The following KDR variants were observed in gnomAD, a reference collection of about 807,000 sequenced individuals.
KDR encodes the protein vascular endothelial growth factor receptor 2.
Under a neutral mutation model 160.9 loss-of-function variants are expected in KDR, and 43 were observed. That is an observed-to-expected ratio of 0.27 (90% CI 0.21 to 0.34). The LOEUF (loss-of-function observed/expected upper bound fraction) is 0.34, where lower values mean the gene tolerates loss of function less well. KDR is among the 10% of genes least tolerant of loss of function. The pLI, the probability that KDR is intolerant of heterozygous loss-of-function variation, is 1.00. For synonymous variants in KDR, 617 were observed against 600.1 expected, an observed-to-expected ratio of 1.03 and a Z score of -0.41; for missense variants, 1,469 against 1,666.4, an observed-to-expected ratio of 0.88 and a Z score of 2.06.
At position 55,088,856 on chromosome 4, in the gene KDR, G is replaced by A. The variant is rs115734907; in HGVS notation, c.3510+12C>T. On this transcript the variant is annotated intron_variant, in intron 26 of 29. Coordinates refer to ENST00000263923, the MANE Select transcript of KDR (RefSeq NM_002253.4). ...ACTCTTTGTAGGTGCTTCTTGGATG[G>A]AGGTGACAAACCTGCTGAGCATTAG... The A allele has an allele frequency of 0.018, 29,241 of 1,588,022 alleles. 317 individuals are homozygous for A. The highest frequency in any genetic ancestry group is 0.021 in the Non-Finnish European group (24,199 of 1,156,168).
chr4:55,096,263 C>A lies in KDR; in HGVS notation c.2694G>T (p.Val898=). The stretch of plus-strand genomic sequence containing the variant: ...TGGTACAGGCACCTAGAAGGTTGAC[C>A]ACATTGAGATGGTGACCAATATGAA... ...ILIHIGHHLN[V]VNLLGACTKP... Residue 898 remains valine (V), a synonymous_variant, in exon 19 of 30, where the codon GTG becomes GTT. Coordinates refer to ENST00000263923, the MANE Select transcript of KDR (RefSeq NM_002253.4). 6.2e-7 allele frequency: 1 copy of A among 1,613,538 alleles called. No individual in the cohort carries two copies. The highest frequency in any genetic ancestry group is 8.5e-7 in the Non-Finnish European group (1 of 1,179,676).
At chr4:55,088,028 C>A (rs1305701118) in intron 26 of KDR, among the ~76,000 whole-genome samples, 1 of 152,078 alleles carries the variant, frequency 6.6e-6, no homozygotes, top group Non-Finnish European at 1.5e-5. Flanking sequence ...AGGCTGTGGT[C>A]AGAGAGGTAA....
intron 26 of KDR, among the ~76,000 whole-genome samples, chr4:55,088,464 G>A (rs1469987897): frequency 6.6e-6 from 1 of 152,170 alleles, no homozygotes; most frequent in African/African-American, 2.4e-5. Flanking sequence ...ATAAGAACCT[G>A]GGATGATACC....
rs150229119 is a variant in KDR, at chr4:55,105,702, A to T, written c.1645+130T>A. The T allele has an allele frequency of 3.8e-4, 289 of 770,468 alleles. No homozygotes were observed. In the African/African-American group the frequency reaches 4.6e-3, roughly 12 times the overall value. 47.7% of individuals were successfully genotyped at this position (770,468 alleles called of 1,614,324 possible). A position where few individuals can be genotyped will look rare whatever the true frequency, so the allele number is the denominator to read the frequency against. ...TTGTAATTTATGAATGAAAGCATCA[A>T]TGATCAATCCAAGTCCTCTTTCCTA... On this transcript the variant is annotated intron_variant, in intron 12 of 29. Transcript: ENST00000263923.
At chr4:55,096,181 G>T in intron 19 of KDR, 48 bp downstream of exon 19, 1 of 988,866 alleles carries the variant, frequency 1.0e-6, no homozygotes, top group Non-Finnish European at 1.6e-6. Flanking sequence ...AACACTATCA[G>T]AGAGGCATGT....
In KDR at chr4:55,125,300, C is replaced by T. The variant is rs776812966; in HGVS notation, c.-7G>A. The T allele has an allele frequency of 1.2e-6, 2 of 1,610,450 alleles. No homozygotes were observed. Among genetic ancestry groups the T allele is most frequent in the South Asian group, 2.2e-5 (2 of 90,184 alleles). On this transcript the variant is annotated 5_prime_UTR_variant, in exon 1 of 30. The change creates a new upstream start codon in the 5' untranslated region. Transcript: ENST00000263923. ...GCAGCACCTTGCTCTGCATCCTGCA[C>T]CTCGAGCCGGGCGAAATGCCCAGAA...
At chr4:55,105,314 C>G (rs1012118882) in intron 12 of KDR, among the ~76,000 whole-genome samples, 1 of 152,212 alleles carries the variant, frequency 6.6e-6, no homozygotes, top group South Asian at 2.1e-4. Context: ...TTAACACTAA[C>G]ACTCAATGAT....
At chr4:55,080,527 T>C (rs564639498) in intron 29 of KDR, among the ~76,000 whole-genome samples, 12 of 152,220 alleles carry the variant, frequency 7.9e-5, no homozygotes, top group Admixed American at 2.0e-4. Flanking sequence ...TTGCATGATA[T>C]TCAAGGAAAT....
intron 3 of KDR, among the ~76,000 whole-genome samples, chr4:55,117,294 G>A (rs1313151165): frequency 6.6e-6 from 1 of 152,198 alleles, no homozygotes; most frequent in Non-Finnish European, 1.5e-5. Context: ...AGTAAATAAT[G>A]AGATATGGGG....
chr4:55,118,587 T>G lies in KDR; in HGVS notation c.358+17A>C. 6.2e-7 allele frequency: 1 copy of G among 1,602,576 alleles called. No homozygotes were observed. On this transcript the variant is annotated intron_variant, in intron 3 of 29. Transcript: ENST00000263923. ...TGGTAAAGAGACGTGGGAAATGAATTTTATTTCACCACTTACCTTGAACAT... is the reference window on the plus strand; with the variant it reads ...TGGTAAAGAGACGTGGGAAATGAATGTTATTTCACCACTTACCTTGAACAT...
At position 55,110,783 on chromosome 4, in the gene KDR, A is replaced by AT. The variant is rs764145187; in HGVS notation, c.977-16_977-15insA. ...AAAAGGTTTTTCTGGAAGAAAATAA[A>AT]AAAAAAAAAAGGTCAACTTACTGTA... On this transcript the variant is annotated splice_polypyrimidine_tract_variant and intron_variant, in intron 7 of 29. Transcript: ENST00000263923. 1 of 1,581,992 alleles carries AT rather than the reference A, an allele frequency of 6.3e-7. No homozygotes were observed. The highest frequency in any genetic ancestry group is 1.4e-5 in the African/African-American group (1 of 73,442).
intron 12 of KDR, among the ~76,000 whole-genome samples, chr4:55,105,268 CTCTAAT>C (rs1455718907): frequency 3.3e-5 from 5 of 152,330 alleles, no homozygotes; most frequent in African/African-American, 1.2e-4. Flanking sequence ...AAAGCAAAAT[CTCTAAT>C]TCTAACAGAA....
chr4:55,118,063 T>A (rs1223145830), intron 3 of KDR, among the ~76,000 whole-genome samples: 1 of 152,138 alleles, frequency 6.6e-6, no homozygotes, highest in Non-Finnish European at 1.5e-5. Context: ...AGAAACATTG[T>A]CCTGAAAAGA....
At chr4:55,121,772 A>G (rs1018241022) in intron 1 of KDR, among the ~76,000 whole-genome samples, 2 of 152,186 alleles carry the variant, frequency 1.3e-5, no homozygotes, top group African/African-American at 4.8e-5. Flanking sequence ...CAAGGGAGAG[A>G]AACTGAGGAA....
chr4:55,123,962 A>C (rs1434498084), intron 1 of KDR, among the ~76,000 whole-genome samples: 1 of 152,234 alleles, frequency 6.6e-6, no homozygotes, highest in Admixed American at 6.5e-5. Flanking sequence ...GCTTAAAAGC[A>C]ACTCACTTCT....
At chr4:55,085,993 G>C (rs1719854027) in intron 27 of KDR, among the ~76,000 whole-genome samples, 2 of 152,226 alleles carry the variant, frequency 1.3e-5, no homozygotes, top group Admixed American at 1.3e-4. Flanking sequence ...ATGGAATGTA[G>C]TTCATGATCA....
At chr4:55,115,466 G>C (rs1720712285) in intron 3 of KDR, 55 bp from the exon 4 acceptor site, 1 of 1,023,870 alleles carries the variant, frequency 9.8e-7, no homozygotes, top group Non-Finnish European at 1.5e-6. Context: ...AGAAAAGTTG[G>C]TCATTTTTCA....
rs149559605 is a variant in KDR at position 55,088,673 on chromosome 4, T to C, written c.3510+195A>G. On this transcript the variant is annotated intron_variant, in intron 26 of 29. Coordinates refer to ENST00000263923, the MANE Select transcript of KDR (RefSeq NM_002253.4). Reference sequence around the variant, plus strand: ...ATCAGAGTGGTCTGCTCCCGGGTTATAAATTAGAATCCTATCTGTCTAAAA... The same window carrying C: ...ATCAGAGTGGTCTGCTCCCGGGTTACAAATTAGAATCCTATCTGTCTAAAA... 2.8e-3 allele frequency among the ~76,000 whole-genome samples: 426 copies of C among 152,332 alleles called. 2 individuals carry two copies. The highest frequency in any genetic ancestry group is 9.9e-3 in the African/African-American group (413 of 41,574).
Position 55,113,438 on chromosome 4 carries a change from G to A in KDR, c.842C>T (p.Ser281Phe), listed in dbSNP as rs931215054. 1 of 1,613,934 alleles carries A rather than the reference G, an allele frequency of 6.2e-7. No individual in the cohort carries two copies. Among genetic ancestry groups the A allele is most frequent in the Admixed American group, 1.7e-5 (1 of 59,990 alleles). The change falls in exon 7 of 30, where the codon TCT becomes TTT. Residue 281 changes from serine to phenylalanine, a missense_variant. Ser to Phe is a radical substitution (Grantham distance 155). This residue lies in a region of KDR where 792 missense variants were observed against 840.9 expected (regional missense o/e 0.94). Transcript: ENST00000263923. ...KLVNRDLKTQ[S>F]GSEMKKFLST... ...CAAAAATTTCTTCATCTCACTCCCA[G>A]ACTGGGTTTTTAGGTCTCGGTTTAC...
Sources: allele counts gnomAD v4.1 joint callset (sites outside exome capture counted in the v4.1 genomes callset), GRCh38; gene constraint gnomAD v4.1.1; regional missense constraint gnomAD v4.1.1; transcripts MANE v1.5; gene names NCBI Gene and HGNC (gene_info 2026-07-23, HGNC 2026-07-21).